Variants in AGFG2 observed in about 807,000 individuals in gnomAD.
The protein encoded by AGFG2 is arf-GAP domain and FG repeat-containing protein 2.
A neutral mutation model predicts 48.0 loss-of-function variants in AGFG2; 31 were observed. The ratio of observed to expected loss-of-function variants is 0.65; its 90% CI spans 0.49 to 0.87. The LOEUF is 0.87. AGFG2 is among the 40% of genes least tolerant of loss of function. The probability of loss-of-function intolerance (pLI) is 0.00; values close to 1 mark genes in which losing one functional copy is unlikely to be tolerated. For synonymous variants in AGFG2, 229 were observed against 260.8 expected (o/e 0.88, Z 1.18); for missense variants, 599 against 632.6 (o/e 0.95, Z 0.57).
chr7:100,559,885 G>T (rs192830729), intron 6 of AGFG2, among the ~76,000 whole-genome samples: 1 of 151,272 alleles, frequency 6.6e-6, no homozygotes, highest in Non-Finnish European at 1.5e-5. Flanking sequence ...TTGGGCCACC[G>T]CCTCCTTTGT....
intron 4 of AGFG2, 137 bp from the exon 5 acceptor site, chr7:100,553,956 G>C: frequency 2.8e-6 from 3 of 1,059,880 alleles, no homozygotes; most frequent in Non-Finnish European, 4.0e-6. Context: ...CTCCTGCCCA[G>C]GAATCTTCTA....
chr7:100,539,697 C>A, intron 1 of AGFG2, 130 bp downstream of exon 1: 1 of 683,254 alleles, frequency 1.5e-6, no homozygotes, highest in South Asian at 7.4e-5. Flanking sequence ...GGGAACGCGC[C>A]GGCTGTGGGG....
rs111774125 is a variant in AGFG2, at chr7:100,556,967, G to A, written c.877+1232G>A. On this transcript the variant is annotated intron_variant, in intron 6 of 11. Coordinates refer to ENST00000300176, the MANE Select transcript of AGFG2 (RefSeq NM_006076.5). ...GATGCCAGCACTTTGGGAGGCCCAGGTGGGCAGATCACCTGAGGTCAGGAG... is the reference window on the plus strand; with the variant it reads ...GATGCCAGCACTTTGGGAGGCCCAGATGGGCAGATCACCTGAGGTCAGGAG... Among the ~76,000 whole-genome samples the A allele has an allele frequency of 6.3e-3, 955 of 152,318 alleles. 18 individuals carry two copies. The highest frequency in any genetic ancestry group is 0.022 in the African/African-American group (923 of 41,570).
Position 100,539,288 on chromosome 7 carries a change from G to T in AGFG2, c.-59G>T, listed in dbSNP as rs1351130213. 1 of 1,271,530 alleles carries T rather than the reference G, an allele frequency of 7.9e-7. No homozygotes were observed. Among genetic ancestry groups the T allele is most frequent in the South Asian group, 2.6e-5 (1 of 38,184 alleles). 78.8% of individuals were successfully genotyped at this position (1,271,530 alleles called of 1,614,324 possible). A position where few individuals can be genotyped will look rare whatever the true frequency, so the allele number is the denominator to read the frequency against. ...GGCGTGCGGAGGCGGCTGAGGAGGC[G>T]GGAAGGCGGCAGTGGTTGAAGGGGT... is the stretch of plus-strand genomic sequence containing the variant. On this transcript the variant is annotated 5_prime_UTR_variant, in exon 1 of 12. Coordinates refer to ENST00000300176, the MANE Select transcript of AGFG2 (RefSeq NM_006076.5).
At chr7:100,546,559 A>G (rs1298584462) in intron 1 of AGFG2, among the ~76,000 whole-genome samples, 1 of 152,120 alleles carries the variant, frequency 6.6e-6, no homozygotes, top group Non-Finnish European at 1.5e-5. Flanking sequence ...GCTCCTGGTG[A>G]TAAGATAACT....
chr7:100,561,299 G>A (rs1309069875), intron 6 of AGFG2, among the ~76,000 whole-genome samples: 1 of 152,072 alleles, frequency 6.6e-6, no homozygotes. Context: ...GCTAATTTTT[G>A]TATTTTTAGT....
intron 1 of AGFG2, among the ~76,000 whole-genome samples, chr7:100,541,705 A>G (rs992763773): frequency 6.6e-6 from 1 of 150,996 alleles, no homozygotes; most frequent in Non-Finnish European, 1.5e-5. Context: ...GGAGGTTGCA[A>G]TGAGCCGAGA....
At position 100,564,245 on chromosome 7, in the gene AGFG2, C is replaced by T; in HGVS notation, c.1328C>T (p.Ala443Val). 1 of 1,613,582 alleles carries T rather than the reference C, an allele frequency of 6.2e-7. No individual in the cohort carries two copies. Among genetic ancestry groups the T allele is most frequent in the South Asian group, 1.1e-5 (1 of 90,866 alleles). The change falls in exon 11 of 12, where the codon GCC (alanine) becomes GTC (valine). Residue 443 changes from alanine to valine, a missense_variant. By Grantham distance (64) the Ala-to-Val change is moderately conservative (BLOSUM62 0). Transcript: ENST00000300176. The part of the protein sequence containing the change: ...NGSSFGDLGS[A>V]KLGQRPLSQP... ...TCTTCCTTCGGGGACTTAGGATCAG[C>T]CAAGTTGGGGCAGAGGCCACTGAGC...
rs895516805 is a variant in AGFG2 at position 100,539,217 on chromosome 7, T to A, written c.-130T>A. On this transcript the variant is annotated 5_prime_UTR_variant, in exon 1 of 12. Coordinates refer to ENST00000300176, the MANE Select transcript of AGFG2 (RefSeq NM_006076.5). ...GCAAGGAGGGTGGTGGACGGCGAAG[T>A]CTCCTGCGGATGCCGCCCGCTCCCG... is the stretch of plus-strand genomic sequence containing the variant. 12 of 923,416 alleles carry A rather than the reference T, an allele frequency of 1.3e-5. No homozygotes were observed. In the East Asian group the frequency reaches 4.0e-4, roughly 30 times the overall value. 57.2% of individuals were successfully genotyped at this position (923,416 alleles called of 1,614,324 possible). A position where few individuals can be genotyped will look rare whatever the true frequency, so the allele number is the denominator to read the frequency against.
At chr7:100,553,772 T>C (rs1413132921) in intron 4 of AGFG2, among the ~76,000 whole-genome samples, 1 of 152,202 alleles carries the variant, frequency 6.6e-6, no homozygotes, top group Non-Finnish European at 1.5e-5. Context: ...GGGGCTGGAA[T>C]ATGGTGTCCA....
chr7:100,559,127 TCAAA>T (rs1355682399), intron 6 of AGFG2, among the ~76,000 whole-genome samples: 2 of 151,976 alleles, frequency 1.3e-5, no homozygotes, highest in Non-Finnish European at 2.9e-5. Context: ...AGACTCTGTC[TCAAA>T]CAAAACAAAA....
chr7:100,564,245 C>A lies in AGFG2; in HGVS notation c.1328C>A (p.Ala443Asp). The A allele has an allele frequency of 6.2e-7, 1 of 1,613,582 alleles. No homozygotes were observed. Among genetic ancestry groups the A allele is most frequent in the Non-Finnish European group, 8.5e-7 (1 of 1,179,820 alleles). ...TCTTCCTTCGGGGACTTAGGATCAG[C>A]CAAGTTGGGGCAGAGGCCACTGAGC... ...NGSSFGDLGS[A>D]KLGQRPLSQP... The change falls in exon 11 of 12, where the codon GCC becomes GAC. Residue 443 changes from alanine (A) to aspartate (D), a missense_variant. Coordinates refer to ENST00000300176, the MANE Select transcript of AGFG2 (RefSeq NM_006076.5).
rs765182995 is a variant in AGFG2 at position 100,567,137 on chromosome 7, A to G, written c.*2146A>G. ...CAGCCTGCTGGCTGGTGAGAGCTGG[A>G]TGAGCAGTAAGAAGTTAACGCCAGG... On this transcript the variant is annotated 3_prime_UTR_variant, in exon 12 of 12. Transcript: ENST00000300176. The G allele has an allele frequency of 6.6e-6, 1 of 152,666 alleles. No individual in the cohort carries two copies. Among genetic ancestry groups the G allele is most frequent in the African/African-American group, 2.4e-5 (1 of 41,418 alleles). 9.5% of individuals were successfully genotyped at this position (152,666 alleles called of 1,614,324 possible). A position where few individuals can be genotyped will look rare whatever the true frequency, so the allele number is the denominator to read the frequency against.
chr7:100,563,041 G>A (rs1800914354), intron 9 of AGFG2, 95 bp downstream of exon 9: 1 of 1,263,868 alleles, frequency 7.9e-7, no homozygotes. Context: ...GTCTCACGCT[G>A]TCAGGAGAAG....
chr7:100,552,332 C>T (rs2131111870), intron 3 of AGFG2, among the ~76,000 whole-genome samples: 1 of 152,208 alleles, frequency 6.6e-6, no homozygotes, highest in African/African-American at 2.4e-5. Flanking sequence ...TATAAGTAAC[C>T]TAGAGATGAT....
intron 1 of AGFG2, among the ~76,000 whole-genome samples, chr7:100,547,833 A>G (rs2131105418): frequency 2.0e-5 from 3 of 152,302 alleles, no homozygotes; most frequent in African/African-American, 7.2e-5. Flanking sequence ...GAGATACAGA[A>G]ATAAGAAAAT....
intron 9 of AGFG2, 111 bp downstream of exon 9, chr7:100,563,057 A>G: frequency 8.9e-7 from 1 of 1,129,060 alleles, no homozygotes; most frequent in Non-Finnish European, 1.3e-6. Flanking sequence ...AGAAGCAGAC[A>G]GCCTGGTTCT....
At position 100,548,833 on chromosome 7, in the gene AGFG2, A is replaced by G. The variant is rs530378081; in HGVS notation, c.233A>G (p.Asn78Ser). Residue 78 changes from asparagine to serine, a missense_variant, in exon 2 of 12, where the codon AAC (asparagine) becomes AGC (serine). By Grantham distance (46) the Asn-to-Ser change is conservative. Transcript: ENST00000300176. ...TTTCTCTCCCATAGGAGAGGGCTGAACCCCCCTCATCGTGTCAAGTCAATC... is the reference window on the plus strand; with the variant it reads ...TTTCTCTCCCATAGGAGAGGGCTGAGCCCCCCTCATCGTGTCAAGTCAATC... ...TTCSGLLRGL[N>S]PPHRVKSISM... The G allele has an allele frequency of 6.2e-7, 1 of 1,612,250 alleles. No individual in the cohort carries two copies. The highest frequency in any genetic ancestry group is 1.1e-5 in the South Asian group (1 of 91,028).
Position 100,562,655 on chromosome 7 carries a change from G to GGCA in AGFG2, c.1067_1069dup (p.Ser356dup), listed in dbSNP as rs758404568. 2.5e-6 allele frequency: 4 copies of GGCA among 1,609,390 alleles called. No homozygotes were observed. Among genetic ancestry groups the GGCA allele is most frequent in the Admixed American group, 3.3e-5 (2 of 59,942 alleles). On this transcript the variant is annotated inframe_insertion, in exon 8 of 12. Coordinates refer to ENST00000300176, the MANE Select transcript of AGFG2 (RefSeq NM_006076.5). The surrounding 1 kb of genome is among the most constrained non-coding windows in gnomAD (Gnocchi z 5.4). ...GTCTGTCACGATGGGCGGCGGCGGC[G>GGCA]GCAGCAGCACAGGGCTGGCCTTTGG...
Sources: allele counts gnomAD v4.1 joint callset (sites outside exome capture counted in the v4.1 genomes callset), GRCh38; gene constraint gnomAD v4.1.1; non-coding constraint Gnocchi (gnomAD v3.1); transcripts MANE v1.5; gene names NCBI Gene and HGNC (gene_info 2026-07-23, HGNC 2026-07-21).